Variants in CDH18 observed in about 807,000 individuals in gnomAD.
The protein encoded by CDH18 is cadherin-18.
In CDH18, 31 loss-of-function variants were observed where a neutral mutation model predicts 67.9. That is an observed-to-expected ratio of 0.46 (90% CI 0.34 to 0.62). CDH18 has a LOEUF of 0.62. CDH18 is among the 20% of genes least tolerant of loss of function. The pLI is 0.01. For missense variants in CDH18, 890 were observed against 975.5 expected (o/e 0.91, Z 1.17); for synonymous variants, 362 against 347.2 (o/e 1.04, Z -0.48).
intron 1 of CDH18, among the ~76,000 whole-genome samples, chr5:20,496,108 G>A (rs1196930779): frequency 6.6e-6 from 1 of 152,102 alleles, no homozygotes; most frequent in African/African-American, 2.4e-5. Flanking sequence ...TGATGAAATA[G>A]ATAGGCATCT....
At chr5:20,057,457 A>C (rs1742096225) in intron 2 of CDH18, among the ~76,000 whole-genome samples, 1 of 152,144 alleles carries the variant, frequency 6.6e-6, no homozygotes, top group Non-Finnish European at 1.5e-5. Context: ...CTCTTTATTA[A>C]CTTAATAATT....
At chr5:19,724,709 T>A (rs1298382568) in intron 4 of CDH18, among the ~76,000 whole-genome samples, 1 of 152,084 alleles carries the variant, frequency 6.6e-6, no homozygotes, top group Non-Finnish European at 1.5e-5. Context: ...GGTCTCAAAA[T>A]TACAAGTATT....
rs189661382 is a variant in CDH18, at chr5:19,810,686, G to C, written c.228+28073C>G. Among the ~76,000 whole-genome samples, 286 of 151,982 alleles carry C rather than the reference G, an allele frequency of 1.9e-3. 2 individuals carry two copies. The highest frequency in any genetic ancestry group is 6.3e-3 in the African/African-American group (263 of 41,456). Reference sequence around the variant, plus strand: ...TGTAAAAATCTTAATCAATTAAAAAGTACTGATATTAGATTGCCTTGGGCT... The same window carrying C: ...TGTAAAAATCTTAATCAATTAAAAACTACTGATATTAGATTGCCTTGGGCT... On this transcript the variant is annotated intron_variant, in intron 3 of 12. Transcript: ENST00000382275.
At chr5:20,037,441 G>C (rs961804069) in intron 2 of CDH18, among the ~76,000 whole-genome samples, 2 of 151,874 alleles carry the variant, frequency 1.3e-5, no homozygotes, top group Non-Finnish European at 2.9e-5. Context: ...TTCTAAAATT[G>C]ACCACACAAT....
chr5:20,493,814 T>C (rs1753736143), intron 1 of CDH18, among the ~76,000 whole-genome samples: 1 of 152,074 alleles, frequency 6.6e-6, no homozygotes, highest in Non-Finnish European at 1.5e-5. Flanking sequence ...ATGCAAAGTG[T>C]GTGGACTCCT....
intron 3 of CDH18, among the ~76,000 whole-genome samples, chr5:19,771,436 C>T (rs1377086625): frequency 6.6e-6 from 1 of 152,202 alleles, no homozygotes; most frequent in Non-Finnish European, 1.5e-5. Flanking sequence ...AAACTGATGA[C>T]TCCAGTCCAC....
chr5:19,622,688 C>A (rs1242693916), intron 5 of CDH18, among the ~76,000 whole-genome samples: 2 of 152,094 alleles, frequency 1.3e-5, no homozygotes, highest in African/African-American at 4.8e-5. Context: ...AGAGGCTCTG[C>A]AATCACATGG....
intron 1 of CDH18, among the ~76,000 whole-genome samples, chr5:20,374,207 T>A: frequency 6.6e-6 from 1 of 152,138 alleles, no homozygotes; most frequent in East Asian, 1.9e-4. Flanking sequence ...CCCCAACCAC[T>A]ACACCCAACT....
At chr5:19,656,505 C>T (rs1377697254) in intron 5 of CDH18, among the ~76,000 whole-genome samples, 2 of 151,966 alleles carry the variant, frequency 1.3e-5, no homozygotes, top group South Asian at 2.1e-4. Context: ...TTTCTTATTT[C>T]GTTTGGACAG....
chr5:20,106,196 A>G (rs985765769), intron 2 of CDH18, among the ~76,000 whole-genome samples: 3 of 152,106 alleles, frequency 2.0e-5, no homozygotes, highest in Non-Finnish European at 4.4e-5. Flanking sequence ...CGAGTTTCAT[A>G]ATGGACCTAC....
chr5:19,940,841 G>T (rs1197407249), intron 2 of CDH18, among the ~76,000 whole-genome samples: 1 of 151,892 alleles, frequency 6.6e-6, no homozygotes, highest in African/African-American at 2.4e-5. Flanking sequence ...CAATTATTCT[G>T]TATTGTTTGC....
intron 5 of CDH18, among the ~76,000 whole-genome samples, chr5:19,638,874 A>G (rs1753563024): frequency 6.6e-6 from 1 of 150,748 alleles, no homozygotes; most frequent in African/African-American, 2.4e-5. Flanking sequence ...TTCAATAACA[A>G]GGGGAGCAGT....
At chr5:20,371,552 G>C (rs1317312421) in intron 1 of CDH18, among the ~76,000 whole-genome samples, 1 of 152,172 alleles carries the variant, frequency 6.6e-6, no homozygotes, top group Non-Finnish European at 1.5e-5. Flanking sequence ...CAAGAGAATG[G>C]AGACTAGTAA....
chr5:20,108,592 A>G (rs1206535222), intron 2 of CDH18, among the ~76,000 whole-genome samples: 2 of 152,052 alleles, frequency 1.3e-5, no homozygotes, highest in Non-Finnish European at 2.9e-5. Flanking sequence ...ACATCCAGGT[A>G]AGTGTCACCT....
At chr5:20,446,264 C>T (rs1198800380) in intron 1 of CDH18, among the ~76,000 whole-genome samples, 3 of 152,130 alleles carry the variant, frequency 2.0e-5, no homozygotes, top group African/African-American at 7.2e-5. Context: ...ACCACAAATT[C>T]CATCAGAGTA....
intron 2 of CDH18, among the ~76,000 whole-genome samples, chr5:19,847,142 C>T (rs1335389477): frequency 6.6e-6 from 1 of 152,014 alleles, no homozygotes; most frequent in Admixed American, 6.6e-5. Context: ...ATTCATTGGG[C>T]TACTTGCATC....
At chr5:19,962,395 A>AAAAAAAAAAAAAAAAAAT (rs58319680) in intron 2 of CDH18, among the ~76,000 whole-genome samples, 16 of 117,058 alleles carry the variant, frequency 1.4e-4, no homozygotes, top group African/African-American at 1.9e-4. Flanking sequence ...AAAAAAAAAA[A>AAAAAAAAAAAAAAAAAAT]AGAAAATTCA....
At chr5:19,717,838 T>G (rs1765522669) in intron 5 of CDH18, among the ~76,000 whole-genome samples, 1 of 152,068 alleles carries the variant, frequency 6.6e-6, no homozygotes, top group African/African-American at 2.4e-5. Flanking sequence ...AGAAATAGCA[T>G]ATGTATTTTA....
chr5:20,064,033 G>A (rs1742751647), intron 2 of CDH18, among the ~76,000 whole-genome samples: 1 of 152,030 alleles, frequency 6.6e-6, no homozygotes. Context: ...TGTTCCTTAT[G>A]TTGTATTGTA....
Sources: gnomAD v4.1 joint callset for allele counts (sites outside exome capture counted in the v4.1 genomes callset) on GRCh38, gnomAD v4.1.1 for gene constraint, MANE v1.5 for transcripts, NCBI Gene and HGNC (gene_info 2026-07-23, HGNC 2026-07-21) for gene names.